The following PDILT variants were observed in gnomAD, a reference collection of about 807,000 sequenced individuals.
PDILT encodes the protein protein disulfide-isomerase-like protein of the testis.
PDILT carries 43 observed loss-of-function variants against 53.7 expected under a neutral mutation model. The ratio of observed to expected loss-of-function variants is 0.80; its 90% confidence interval spans 0.63 to 1.03. The LOEUF (loss-of-function observed/expected upper bound fraction) is 1.03, where lower values mean the gene tolerates loss of function less well. Ranked by LOEUF, PDILT falls within the 50% of genes least tolerant of loss-of-function variation. The pLI is 0.00. For synonymous variants in PDILT, 282 were observed against 274.2 expected (o/e 1.03, Z -0.28); for missense variants, 727 against 712.3 (o/e 1.02, Z -0.24).
chr16:20,374,983 A>G lies in PDILT; in HGVS notation c.544-24T>C, dbSNP rs746785221. ...TCCTATTTGGGAAAGGATGTTTGGA[A>G]AGGCTTTGGTAGAAATCAAGGTGCC... On this transcript the variant is annotated intron_variant, in intron 4 of 11. Coordinates refer to ENST00000302451, the MANE Select transcript of PDILT (RefSeq NM_174924.2). The G allele has an allele frequency of 2.5e-6, 4 of 1,592,414 alleles. No individual in the cohort carries two copies. In the African/African-American group the frequency reaches 5.4e-5, roughly 21 times the overall value.
chr16:20,372,178 A>C (rs1311393259), intron 7 of PDILT, among the ~76,000 whole-genome samples: 1 of 152,206 alleles, frequency 6.6e-6, no homozygotes, highest in African/African-American at 2.4e-5. Context: ...TAATAATAAA[A>C]AGCACCATTG....
At chr16:20,396,499 C>T (rs1049287891) in intron 2 of PDILT, among the ~76,000 whole-genome samples, 1 of 152,148 alleles carries the variant, frequency 6.6e-6, no homozygotes, top group Non-Finnish European at 1.5e-5. Context: ...CGTGGAAGCC[C>T]AACAGATGCT....
At chr16:20,390,864 T>C (rs1966599126) in intron 2 of PDILT, 1 of 152,202 alleles carries the variant, frequency 6.6e-6, no homozygotes, top group Non-Finnish European at 1.5e-5. Flanking sequence ...ACGTGCTTCA[T>C]ATACAAGATG....
chr16:20,402,744 C>T (rs1966759841), intron 1 of PDILT, among the ~76,000 whole-genome samples: 1 of 152,150 alleles, frequency 6.6e-6, no homozygotes, highest in South Asian at 2.1e-4. Context: ...GTTTTTTCTC[C>T]CAATCTCTCC....
At position 20,373,038 on chromosome 16, in the gene PDILT, C is replaced by G. The variant is rs1328789382; in HGVS notation, c.766G>C (p.Asp256His). 1 of 1,614,116 alleles carries G rather than the reference C, an allele frequency of 6.2e-7. No individual in the cohort carries two copies. The highest frequency in any genetic ancestry group is 8.5e-7 in the Non-Finnish European group (1 of 1,179,988). The change falls in exon 6 of 12, where the codon GAT (aspartate) becomes CAT (histidine). Residue 256 changes from aspartate (D) to histidine (H), a missense_variant. By Grantham distance (81) the Asp-to-His change is moderately conservative (BLOSUM62 -1). Transcript: ENST00000302451. Reference sequence around the variant, plus strand: ...TCAGTGTTGTATTCGATCACAAAATCTGTAAGGTGCTGTTTTATGACACGA... The same window carrying G: ...TCAGTGTTGTATTCGATCACAAAATGTGTAAGGTGCTGTTTTATGACACGA... ...LNRVIKQHLT[D>H]FVIEYNTENK... is the part of the protein sequence containing the mutation.
Position 20,360,587 on chromosome 16 carries a change from T to G in PDILT, c.1487A>C (p.Lys496Thr). Residue 496 changes from lysine (K) to threonine (T), a missense_variant, in exon 11 of 12, where the codon AAG (lysine) becomes ACG (threonine). Transcript: ENST00000302451. ...CCTTACCTCATCCTCATCCTCAATC[T>G]TAGTTTTGATGTGGCTTTCCAGGAA... Reference protein sequence around the residue: ...SDFLESHIKTKIEDEDELLSV... With the variant: ...SDFLESHIKTTIEDEDELLSV... 1 of 1,613,898 alleles carries G rather than the reference T, an allele frequency of 6.2e-7. No homozygotes were observed. Among genetic ancestry groups the G allele is most frequent in the Non-Finnish European group, 8.5e-7 (1 of 1,179,758 alleles).
chr16:20,376,895 G>A (rs894554529), intron 3 of PDILT, among the ~76,000 whole-genome samples: 4 of 152,196 alleles, frequency 2.6e-5, no homozygotes, highest in Admixed American at 1.3e-4. Flanking sequence ...ACAGGTGAAC[G>A]TGTGTTTTTC....
chr16:20,378,673 A>C (rs1407287791), intron 3 of PDILT, among the ~76,000 whole-genome samples: 2 of 151,914 alleles, frequency 1.3e-5, no homozygotes, highest in Non-Finnish European at 2.9e-5. Flanking sequence ...ATGTGTTCTC[A>C]TTGTTCAACT....
At chr16:20,377,138 A>G (rs907782301) in intron 3 of PDILT, among the ~76,000 whole-genome samples, 1 of 152,146 alleles carries the variant, frequency 6.6e-6, no homozygotes, top group East Asian at 1.9e-4. Flanking sequence ...ACAAAAGAAA[A>G]TTAGCCAGGC....
Position 20,373,049 on chromosome 16 carries a change from TG to T in PDILT, c.754del (p.Gln252SerfsTer7). 1 of 1,614,184 alleles carries T rather than the reference TG, an allele frequency of 6.2e-7. No homozygotes were observed. Among genetic ancestry groups the T allele is most frequent in the Non-Finnish European group, 8.5e-7 (1 of 1,179,994 alleles). On this transcript the variant is annotated frameshift_variant, in exon 6 of 12. Coordinates refer to ENST00000302451, the MANE Select transcript of PDILT (RefSeq NM_174924.2). LOFTEE classifies it high-confidence loss of function. Reference sequence around the variant, plus strand: ...TTCGATCACAAAATCTGTAAGGTGCTGTTTTATGACACGATTGAGTTCCTGT... The same window carrying T: ...TTCGATCACAAAATCTGTAAGGTGCTTTTTATGACACGATTGAGTTCCTGT... The part of the protein sequence containing the change: ...NKQELNRVIK[Q>X]HLTDFVIEYN...
chr16:20,384,214 C>CAG (rs1435088775), intron 3 of PDILT, among the ~76,000 whole-genome samples: 1 of 152,176 alleles, frequency 6.6e-6, no homozygotes, highest in Admixed American at 6.5e-5. Flanking sequence ...CCCCACCCTC[C>CAG]CACTTCTTGG....
At chr16:20,381,511 CT>C (rs916773540) in intron 3 of PDILT, among the ~76,000 whole-genome samples, 5 of 151,852 alleles carry the variant, frequency 3.3e-5, no homozygotes, top group African/African-American at 1.2e-4. Context: ...TGGCACATGC[CT>C]GTAGTCCCAG....
chr16:20,360,694 TC>T (rs1966087969), intron 10 of PDILT, 37 bp from the exon 11 acceptor site: 2 of 1,473,326 alleles, frequency 1.4e-6, no homozygotes, highest in Non-Finnish European at 1.9e-6. Flanking sequence ...GATGGGATCC[TC>T]TTCCCGCAGA....
At chr16:20,360,742 C>G in intron 10 of PDILT, 85 bp from the exon 11 acceptor site, 1 of 990,442 alleles carries the variant, frequency 1.0e-6, no homozygotes, top group Non-Finnish European at 1.6e-6. Flanking sequence ...AACCCAGGGT[C>G]AAATTCCTAA....
At chr16:20,359,801 G>A (rs1966070655) in intron 11 of PDILT, among the ~76,000 whole-genome samples, 1 of 152,176 alleles carries the variant, frequency 6.6e-6, no homozygotes, top group Admixed American at 6.5e-5. Flanking sequence ...GAGGACCTTT[G>A]GGGGAACCAA....
chr16:20,376,547 C>A (rs1966391956), intron 3 of PDILT, among the ~76,000 whole-genome samples: 1 of 152,164 alleles, frequency 6.6e-6, no homozygotes, highest in Admixed American at 6.5e-5. Flanking sequence ...AACTAGAGAA[C>A]CTGAAGATCA....
At chr16:20,394,242 G>A (rs1596597395) in intron 2 of PDILT, among the ~76,000 whole-genome samples, 4 of 152,212 alleles carry the variant, frequency 2.6e-5, no homozygotes, top group Non-Finnish European at 5.9e-5. Flanking sequence ...GGAGAAAATA[G>A]TTTTTGACAT....
chr16:20,369,440 G>A (rs1057291093), intron 8 of PDILT, 52 bp downstream of exon 8: 7 of 1,544,284 alleles, frequency 4.5e-6, no homozygotes, highest in Middle Eastern at 3.4e-4. Flanking sequence ...AGAATTATGA[G>A]AAGGAGATGA....
intron 3 of PDILT, among the ~76,000 whole-genome samples, chr16:20,382,490 A>C (rs570411293): frequency 4.6e-5 from 7 of 152,336 alleles, no homozygotes; most frequent in Admixed American, 3.9e-4. Flanking sequence ...AGGATCTGGA[A>C]TATTAATAAT....
Sources: gnomAD v4.1 joint callset for allele counts (sites outside exome capture counted in the v4.1 genomes callset) on GRCh38, gnomAD v4.1.1 for gene constraint, MANE v1.5 for transcripts, NCBI Gene and HGNC (gene_info 2026-07-23, HGNC 2026-07-21) for gene names.